GNA14: variants seen among roughly 807,000 people sequenced by gnomAD.
GNA14 encodes G protein subunit alpha 14.
Under a neutral mutation model 42.0 loss-of-function variants are expected in GNA14, and 50 were observed. The observed-to-expected ratio is 1.19, with a 90% CI of 0.95 to 1.51. The LOEUF (loss-of-function observed/expected upper bound fraction) is 1.51, where lower values mean the gene tolerates loss of function less well. Among genes scored for constraint, GNA14 ranks in the 40% most tolerant of loss-of-function variants. The pLI is 0.00. For missense variants in GNA14, 473 were observed against 446.2 expected (o/e 1.06, Z -0.54); for synonymous variants, 173 against 163.1 (o/e 1.06, Z -0.46).
intron 1 of GNA14, among the ~76,000 whole-genome samples, chr9:77,614,261 T>C (rs12337132): frequency 0.022 from 3,279 of 152,182 alleles, 127 homozygotes; most frequent in African/African-American, 0.074. Context: ...AGATTTATTA[T>C]AGGCCAGTCC....
intron 1 of GNA14, among the ~76,000 whole-genome samples, chr9:77,532,097 C>G (rs1431293914): frequency 6.6e-6 from 1 of 152,100 alleles, no homozygotes; most frequent in African/African-American, 2.4e-5. Context: ...CTCATTTAAG[C>G]CTCAGCATCA....
chr9:77,592,231 G>A (rs779124686), intron 1 of GNA14, among the ~76,000 whole-genome samples: 6 of 152,134 alleles, frequency 3.9e-5, no homozygotes, highest in African/African-American at 1.2e-4. Flanking sequence ...GTCAGCCTGG[G>A]GTGCTTGAAT....
chr9:77,482,998 G>C (rs1156933174), intron 2 of GNA14, among the ~76,000 whole-genome samples: 2 of 151,990 alleles, frequency 1.3e-5, no homozygotes, highest in African/African-American at 4.8e-5. Context: ...CCATTGGTTT[G>C]AATTTCCTTC....
At chr9:77,473,916 T>G (rs564018743) in intron 2 of GNA14, among the ~76,000 whole-genome samples, 13 of 152,302 alleles carry the variant, frequency 8.5e-5, no homozygotes, top group Admixed American at 7.9e-4. Context: ...GGGAAAAGAT[T>G]GTTCCATTGA....
At chr9:77,497,947 A>G (rs1029843213) in intron 2 of GNA14, among the ~76,000 whole-genome samples, 2 of 152,204 alleles carry the variant, frequency 1.3e-5, no homozygotes, top group African/African-American at 2.4e-5. Flanking sequence ...AAATACTCCT[A>G]TGATAGTGAC....
intron 1 of GNA14, among the ~76,000 whole-genome samples, chr9:77,621,262 G>A (rs573053932): frequency 5.9e-5 from 9 of 152,168 alleles, no homozygotes; most frequent in Middle Eastern, 3.2e-3. Context: ...AATTTCAGAT[G>A]CTCAAAATGA....
chr9:77,450,440 A>C (rs962441886), intron 2 of GNA14, among the ~76,000 whole-genome samples: 2 of 152,154 alleles, frequency 1.3e-5, no homozygotes, highest in Non-Finnish European at 2.9e-5. Context: ...GGAATGAAGA[A>C]ATCTTGCCGA....
intron 1 of GNA14, among the ~76,000 whole-genome samples, chr9:77,547,977 C>T (rs931283421): frequency 1.3e-5 from 2 of 152,152 alleles, no homozygotes; most frequent in African/African-American, 2.4e-5. Flanking sequence ...AAACTCAATG[C>T]ATTTGGAAGA....
chr9:77,542,283 A>G (rs1837669951), intron 1 of GNA14, among the ~76,000 whole-genome samples: 1 of 152,164 alleles, frequency 6.6e-6, no homozygotes, highest in African/African-American at 2.4e-5. Flanking sequence ...TAGTCCTTAT[A>G]TGATTTCTTC....
chr9:77,462,005 G>T (rs566633198), intron 2 of GNA14, among the ~76,000 whole-genome samples: 1 of 152,262 alleles, frequency 6.6e-6, no homozygotes, highest in Non-Finnish European at 1.5e-5. Flanking sequence ...CAAGGCAAGA[G>T]GTAGGTGTGT....
rs1011257351 is a variant in GNA14, at chr9:77,594,599, T to A, written c.124+53071A>T. Among the ~76,000 whole-genome samples, 8 of 152,180 alleles carry A rather than the reference T, an allele frequency of 5.3e-5. No homozygotes were observed. The East Asian group carries it at 1.5e-3, about 29-fold the overall frequency. On this transcript the variant is annotated intron_variant, in intron 1 of 6. Coordinates refer to ENST00000341700, the MANE Select transcript of GNA14 (RefSeq NM_004297.4). ...GTTGGAAAAATGTCCTTTTTCCTAG[T>A]CTCTCTCCATTGTGAAAGGGGCCCC...
intron 1 of GNA14, among the ~76,000 whole-genome samples, chr9:77,568,503 AAAG>A (rs1414537412): frequency 6.6e-6 from 1 of 151,494 alleles, no homozygotes; most frequent in South Asian, 2.1e-4. Context: ...AAAAAAAAAA[AAAG>A]AAAGAAAGAA....
chr9:77,540,967 G>T (rs1483694300), intron 1 of GNA14, among the ~76,000 whole-genome samples: 1 of 152,030 alleles, frequency 6.6e-6, no homozygotes. Flanking sequence ...GGTTATTATT[G>T]ATATGTGAAG....
At chr9:77,445,094 G>T (rs1164400152) in intron 2 of GNA14, among the ~76,000 whole-genome samples, 1 of 152,208 alleles carries the variant, frequency 6.6e-6, no homozygotes. Flanking sequence ...GAGCCAACTA[G>T]TACTTCCCAC....
At chr9:77,458,905 G>C (rs1017379983) in intron 2 of GNA14, among the ~76,000 whole-genome samples, 1 of 47,952 alleles carries the variant, frequency 2.1e-5, no homozygotes, top group East Asian at 8.0e-4. Flanking sequence ...ACAAGCTGGA[G>C]GGGGGGGGGT....
At chr9:77,443,588 T>C (rs895559666) in intron 2 of GNA14, among the ~76,000 whole-genome samples, 4 of 152,198 alleles carry the variant, frequency 2.6e-5, no homozygotes, top group African/African-American at 9.6e-5. Context: ...TTTCCCTTCC[T>C]CTTTTCTCCA....
intron 2 of GNA14, among the ~76,000 whole-genome samples, chr9:77,514,818 TTA>T (rs1487998221): frequency 6.6e-6 from 1 of 152,162 alleles, no homozygotes; most frequent in East Asian, 1.9e-4. Context: ...TTTCACCGTG[TTA>T]GCCAGGATAG....
At chr9:77,605,452 T>C (rs1587845519) in intron 1 of GNA14, among the ~76,000 whole-genome samples, 1 of 152,302 alleles carries the variant, frequency 6.6e-6, no homozygotes, top group Admixed American at 6.5e-5. Flanking sequence ...CTCACCTTCC[T>C]CCCACTTTTC....
At position 77,425,751 on chromosome 9, in the gene GNA14, A is replaced by T. The variant is rs200919606; in HGVS notation, c.724-36T>A. On this transcript the variant is annotated intron_variant, in intron 5 of 6. Coordinates refer to ENST00000341700, the MANE Select transcript of GNA14 (RefSeq NM_004297.4). ...AACAAGGGACTTGGGATGAAGTAGAAAGGAAATATTTTGGAAACAACATGG... is the reference window on the plus strand; with the variant it reads ...AACAAGGGACTTGGGATGAAGTAGATAGGAAATATTTTGGAAACAACATGG... 2.0e-4 allele frequency: 306 copies of T among 1,517,640 alleles called. 2 individuals carry two copies. Among genetic ancestry groups the T allele is most frequent in the Middle Eastern group, 8.8e-4 (5 of 5,702 alleles). The allele number at this position is 1,517,640 out of a possible 1,614,324, so 94.0% of individuals were successfully genotyped here. A position where few individuals can be genotyped will look rare whatever the true frequency, so the allele number is the denominator to read the frequency against.
Sources: gnomAD v4.1 joint callset for allele counts (sites outside exome capture counted in the v4.1 genomes callset) on GRCh38, gnomAD v4.1.1 for gene constraint, MANE v1.5 for transcripts, NCBI Gene and HGNC (gene_info 2026-07-23, HGNC 2026-07-21) for gene names.